FBN1: variants seen among roughly 807,000 people sequenced by gnomAD.
The protein encoded by FBN1 is fibrillin-1.
In FBN1, 29 loss-of-function variants were observed where a neutral mutation model predicts 365.1. That is an observed-to-expected ratio of 0.08 (90% CI 0.06 to 0.11). The LOEUF (loss-of-function observed/expected upper bound fraction) is 0.11. FBN1 is among the 10% of genes least tolerant of loss of function. FBN1 has a pLI of 1.00. For missense variants in FBN1, 2,476 were observed against 3,703.2 expected (o/e 0.67, Z 8.60); for synonymous variants, 1,210 against 1,270.5 (o/e 0.95, Z 1.01).
chr15:48,641,894 A>G (rs550737036), intron 2 of FBN1: 1 of 152,360 alleles, frequency 6.6e-6, no homozygotes, highest in East Asian at 1.9e-4. Flanking sequence ...CAAATTTAAC[A>G]TAAGAATTGG....
chr15:48,446,578 T>C lies in FBN1; in HGVS notation c.5788+128A>G, dbSNP rs901206203. 3.8e-5 allele frequency: 28 copies of C among 738,110 alleles called. No homozygotes were observed. In the African/African-American group the frequency reaches 4.5e-4, roughly 12 times the overall value. 45.7% of individuals were successfully genotyped at this position (738,110 alleles called of 1,614,324 possible). A position where few individuals can be genotyped will look rare whatever the true frequency, so the allele number is the denominator to read the frequency against. Reference sequence around the variant, plus strand: ...AGCACATTGTATTTGACAAGTCCCATAACCAATTGTTATGCATAAGATAGC... The same window carrying C: ...AGCACATTGTATTTGACAAGTCCCACAACCAATTGTTATGCATAAGATAGC... On this transcript the variant is annotated intron_variant, in intron 47 of 65. Coordinates refer to ENST00000316623, the MANE Select transcript of FBN1 (RefSeq NM_000138.5).
intron 32 of FBN1, among the ~76,000 whole-genome samples, chr15:48,479,730 CTCTGTTACCATGG>C (rs1689011690): frequency 6.6e-6 from 1 of 152,190 alleles, no homozygotes; most frequent in African/African-American, 2.4e-5. Flanking sequence ...TAGTGCACAG[CTCTGTTACCATGG>C]TCTTAGTATC....
At chr15:48,430,951 T>C (rs1370226081) in intron 55 of FBN1, 149 bp from the exon 56 acceptor site, 6 of 790,662 alleles carry the variant, frequency 7.6e-6, no homozygotes, top group Admixed American at 6.3e-5. Context: ...CTGTTGAGTA[T>C]GATCTCTAAA....
chr15:48,433,013 T>C (rs768798210), intron 54 of FBN1, 25 bp from the exon 55 acceptor site: 28 of 1,612,300 alleles, frequency 1.7e-5, no homozygotes, highest in Middle Eastern at 3.3e-4. Context: ...AGTAAGTAAA[T>C]AAGGGATCAT....
chr15:48,440,665 TAAC>T (rs905847655), intron 50 of FBN1, among the ~76,000 whole-genome samples: 1 of 152,132 alleles, frequency 6.6e-6, no homozygotes, highest in African/African-American at 2.4e-5. Context: ...ATCATTAGAA[TAAC>T]AACAAGAGTC....
chr15:48,479,328 G>A (rs1021406377), intron 32 of FBN1, among the ~76,000 whole-genome samples: 7 of 152,156 alleles, frequency 4.6e-5, no homozygotes, highest in African/African-American at 1.4e-4. Context: ...CCTTCCACAG[G>A]TCAGGGCTGT....
chr15:48,616,585 T>A (rs1460806416), intron 2 of FBN1, among the ~76,000 whole-genome samples: 1 of 152,228 alleles, frequency 6.6e-6, no homozygotes, highest in Non-Finnish European at 1.5e-5. Context: ...ATAAAAGATT[T>A]AGTTATAAGG....
chr15:48,575,796 G>A (rs2044341902), intron 6 of FBN1, among the ~76,000 whole-genome samples: 1 of 137,242 alleles, frequency 7.3e-6, no homozygotes, highest in Admixed American at 7.4e-5. Flanking sequence ...TAAAGAAAAT[G>A]TGAGATACAC....
intron 6 of FBN1, among the ~76,000 whole-genome samples, chr15:48,583,152 A>G (rs2044408562): frequency 2.0e-5 from 3 of 152,230 alleles, no homozygotes; most frequent in Admixed American, 2.0e-4. Flanking sequence ...TTCATTCATT[A>G]TTATACATCT....
intron 62 of FBN1, 149 bp downstream of exon 62, chr15:48,421,409 T>C (rs1408120257): frequency 1.1e-6 from 1 of 880,248 alleles, no homozygotes; most frequent in Non-Finnish European, 1.8e-6. Flanking sequence ...CTCTCTAAGA[T>C]ACAGGACCTG....
intron 3 of FBN1, among the ~76,000 whole-genome samples, chr15:48,612,449 C>T (rs16961236): frequency 0.014 from 2,161 of 152,276 alleles, 47 homozygotes; most frequent in African/African-American, 0.05. Context: ...GTCTGGCATG[C>T]GATTTGTCAC....
chr15:48,436,532 A>G (rs1371609883), intron 53 of FBN1, among the ~76,000 whole-genome samples: 3 of 152,314 alleles, frequency 2.0e-5, no homozygotes, highest in African/African-American at 7.2e-5. Flanking sequence ...CAAAAAAAAG[A>G]TTGTGTACTG....
intron 45 of FBN1, among the ~76,000 whole-genome samples, chr15:48,451,456 G>A (rs2043200641): frequency 6.6e-6 from 1 of 152,092 alleles, no homozygotes; most frequent in Non-Finnish European, 1.5e-5. Context: ...AACAAAACAA[G>A]TCTTGATTCT....
chr15:48,484,829 A>C (rs2043492619), intron 30 of FBN1, among the ~76,000 whole-genome samples: 1 of 152,166 alleles, frequency 6.6e-6, no homozygotes, highest in Admixed American at 6.5e-5. Flanking sequence ...TCTCACCTCT[A>C]CCTGGCTCAC....
chr15:48,442,047 T>C (rs1236789846), intron 49 of FBN1, among the ~76,000 whole-genome samples: 2 of 152,214 alleles, frequency 1.3e-5, no homozygotes, highest in South Asian at 2.1e-4. Flanking sequence ...CAGTTATTGA[T>C]ATAAAAATGG....
In FBN1 at chr15:48,444,526, T is replaced by C. The variant is rs376012604; in HGVS notation, c.6037+15A>G. ...CCCGACACTCCTCATTTGCTACAAC[T>C]GATAGCTTTCCTACCTTCACACTTC... On this transcript the variant is annotated intron_variant, in intron 49 of 65. Transcript: ENST00000316623. The C allele has an allele frequency of 2.5e-6, 4 of 1,612,994 alleles. No homozygotes were observed. The African/African-American group carries it at 5.3e-5, about 22-fold the overall frequency.
intron 31 of FBN1, 43 bp downstream of exon 31, chr15:48,483,775 T>A (rs762856266): frequency 7.2e-5 from 116 of 1,611,014 alleles, no homozygotes; most frequent in Non-Finnish European, 9.6e-5. Context: ...ACAGTGCTTA[T>A]GACTAACAAG....
chr15:48,516,395 C>T, intron 10 of FBN1, 33 bp from the exon 11 acceptor site: 1 of 1,606,602 alleles, frequency 6.2e-7, no homozygotes. Context: ...AACACAACAG[C>T]TGAGCTGTAG....
chr15:48,575,819 A>G (rs1014644547), intron 6 of FBN1, among the ~76,000 whole-genome samples: 10 of 151,544 alleles, frequency 6.6e-5, no homozygotes, highest in Admixed American at 5.9e-4. Context: ...ACACACACAC[A>G]CACACACACA....
Sources: gnomAD v4.1 joint callset for allele counts (sites outside exome capture counted in the v4.1 genomes callset) on GRCh38, gnomAD v4.1.1 for gene constraint, MANE v1.5 for transcripts, NCBI Gene and HGNC (gene_info 2026-07-23, HGNC 2026-07-21) for gene names.